Variants in NTNG1 observed in about 807,000 individuals in gnomAD.
The protein encoded by NTNG1 is netrin-G1.
NTNG1 carries 16 observed loss-of-function variants against 54.0 expected under a neutral mutation model. The observed-to-expected ratio is 0.30, with a 90% CI of 0.20 to 0.45. The LOEUF is 0.45. NTNG1 is among the 20% of genes least tolerant of loss of function. The pLI, the probability that NTNG1 is intolerant of heterozygous loss-of-function variation, is 1.00. For missense variants in NTNG1, 530 were observed against 678.7 expected, an observed-to-expected ratio of 0.78 and a Z score of 2.43; for synonymous variants, 255 against 263.1, an observed-to-expected ratio of 0.97 and a Z score of 0.30.
chr1:107,386,151 A>ATATATATATATGTG, intron 3 of NTNG1, among the ~76,000 whole-genome samples: 2 of 105,110 alleles, frequency 1.9e-5, no homozygotes, highest in African/African-American at 6.3e-5. Context: ...ATATGTGTGT[A>ATATATATATATGTG]TATATATATA....
chr1:107,152,319 AAC>A (rs1347134063), intron 2 of NTNG1, among the ~76,000 whole-genome samples: 5 of 152,240 alleles, frequency 3.3e-5, no homozygotes, highest in African/African-American at 1.2e-4. Flanking sequence ...TTTGTCAGGA[AAC>A]ACAGATCATC....
rs527936971 is a variant in NTNG1, at chr1:107,224,000, A to G, written c.246+75161A>G. On this transcript the variant is annotated intron_variant, in intron 2 of 7. Coordinates refer to ENST00000370068, the MANE Select transcript of NTNG1 (RefSeq NM_001113226.3). ...TGGGAATTTTCAAAATGCTAGTTCA[A>G]TTGTTTTAAGATATTTTAATTAGAG... 1.1e-4 allele frequency among the ~76,000 whole-genome samples: 17 copies of G among 152,314 alleles called. No homozygotes were observed. The East Asian group carries it at 2.7e-3, about 24-fold the overall frequency.
chr1:107,206,515 C>T, intron 2 of NTNG1, among the ~76,000 whole-genome samples: 1 of 152,048 alleles, frequency 6.6e-6, no homozygotes, highest in East Asian at 1.9e-4. Context: ...TTATCATTAC[C>T]TTTGCATCTC....
At chr1:107,372,257 T>C (rs1336427152) in intron 3 of NTNG1, among the ~76,000 whole-genome samples, 1 of 152,046 alleles carries the variant, frequency 6.6e-6, no homozygotes, top group African/African-American at 2.4e-5. Context: ...TTTCTTAAGA[T>C]GGAAGGTGAG....
chr1:107,468,850 CA>C (rs67424544), intron 7 of NTNG1, among the ~76,000 whole-genome samples: 75,095 of 151,792 alleles, frequency 0.49, 18,682 homozygotes, highest in Admixed American at 0.57. Context: ...GTAATCCCAG[CA>C]CTTTGGGAGG....
chr1:107,430,585 C>T (rs544108101), intron 5 of NTNG1, 165 bp from the exon 6 acceptor site: 16 of 772,790 alleles, frequency 2.1e-5, no homozygotes, highest in East Asian at 9.8e-5. Context: ...ATGCTATTTC[C>T]GTGCCAGTCA....
chr1:107,148,967 C>T, intron 2 of NTNG1, 128 bp downstream of exon 2: 2 of 918,570 alleles, frequency 2.2e-6, no homozygotes, highest in Non-Finnish European at 3.3e-6. Context: ...TTTGTGTTAA[C>T]AGGCTAGTTT....
At chr1:107,320,119 A>C (rs1667571741) in intron 2 of NTNG1, among the ~76,000 whole-genome samples, 1 of 152,138 alleles carries the variant, frequency 6.6e-6, no homozygotes, top group Non-Finnish European at 1.5e-5. Flanking sequence ...AAATATTAAC[A>C]TTTTAAAAAT....
At chr1:107,198,778 G>A (rs1179477827) in intron 2 of NTNG1, among the ~76,000 whole-genome samples, 4 of 151,742 alleles carry the variant, frequency 2.6e-5, no homozygotes, top group African/African-American at 7.3e-5. Context: ...TTCATAGGGC[G>A]TTTGGCTCTA....
intron 5 of NTNG1, among the ~76,000 whole-genome samples, chr1:107,429,138 C>T (rs1038148694): frequency 1.3e-5 from 2 of 151,992 alleles, no homozygotes; most frequent in Admixed American, 6.6e-5. Flanking sequence ...TCAGCATCCC[C>T]CCTTTCTTCT....
intron 2 of NTNG1, among the ~76,000 whole-genome samples, chr1:107,199,434 A>T (rs957962462): frequency 6.6e-6 from 1 of 151,966 alleles, no homozygotes; most frequent in African/African-American, 2.4e-5. Context: ...ACGAGTATTA[A>T]ATTGTATTGC....
intron 2 of NTNG1, among the ~76,000 whole-genome samples, chr1:107,157,166 C>T (rs1171283070): frequency 6.6e-6 from 1 of 152,132 alleles, no homozygotes; most frequent in South Asian, 2.1e-4. Flanking sequence ...TTATGATCCA[C>T]AAATTATATG....
At chr1:107,165,739 A>G (rs953273575) in intron 2 of NTNG1, among the ~76,000 whole-genome samples, 15 of 152,078 alleles carry the variant, frequency 9.9e-5, no homozygotes, top group Non-Finnish European at 1.9e-4. Context: ...CATTTTAATT[A>G]TTGTCCGTCA....
chr1:107,232,610 A>T (rs1477154002), intron 2 of NTNG1, among the ~76,000 whole-genome samples: 1 of 152,210 alleles, frequency 6.6e-6, no homozygotes, highest in East Asian at 1.9e-4. Context: ...TTTATATTAA[A>T]GTCTGCCTGC....
chr1:107,341,982 G>T (rs377573767), intron 3 of NTNG1, among the ~76,000 whole-genome samples: 1 of 151,876 alleles, frequency 6.6e-6, no homozygotes, highest in Non-Finnish European at 1.5e-5. Flanking sequence ...ATATGTGAGT[G>T]CATTAGAGTG....
At chr1:107,430,678 A>G in intron 5 of NTNG1, 72 bp from the exon 6 acceptor site, 1 of 1,467,414 alleles carries the variant, frequency 6.8e-7, no homozygotes, top group South Asian at 1.1e-5. Flanking sequence ...CCCTCATTTT[A>G]CCCAAGCATG....
rs1051673997 is a variant in NTNG1, at chr1:107,407,631, T to C, written c.1061-51T>C. 7.1e-6 allele frequency: 10 copies of C among 1,400,502 alleles called. No homozygotes were observed. In the Admixed American group the frequency reaches 8.1e-5, roughly 11 times the overall value. The allele number at this position is 1,400,502 out of a possible 1,614,324, so 86.8% of individuals were successfully genotyped here. ...TTTTTATATTAAGTTAAAGATGTTATGTACTAATAAATAGCTAACAGCTTT... is the reference window on the plus strand; with the variant it reads ...TTTTTATATTAAGTTAAAGATGTTACGTACTAATAAATAGCTAACAGCTTT... On this transcript the variant is annotated intron_variant, in intron 4 of 7. Coordinates refer to ENST00000370068, the MANE Select transcript of NTNG1 (RefSeq NM_001113226.3).
At chr1:107,268,983 C>A (rs1253388857) in intron 2 of NTNG1, among the ~76,000 whole-genome samples, 1 of 152,134 alleles carries the variant, frequency 6.6e-6, no homozygotes. Flanking sequence ...TGTTTCCACC[C>A]TTACTCCCTG....
chr1:107,433,178 A>C (rs573056798), intron 6 of NTNG1, among the ~76,000 whole-genome samples: 2 of 152,304 alleles, frequency 1.3e-5, no homozygotes, highest in East Asian at 3.9e-4. Context: ...GTTTCTATTT[A>C]GTATTTTGTA....
Sources: allele counts gnomAD v4.1 joint callset (sites outside exome capture counted in the v4.1 genomes callset), GRCh38; gene constraint gnomAD v4.1.1; transcripts MANE v1.5; gene names NCBI Gene and HGNC (gene_info 2026-07-23, HGNC 2026-07-21).